Variants in TCERG1L observed in about 807,000 individuals in gnomAD.
TCERG1L encodes the protein transcription elongation regulator 1 like, also known as transcription elongation regulator 1-like protein.
TCERG1L carries 37 observed loss-of-function variants against 56.3 expected under a neutral mutation model. That is an observed-to-expected ratio of 0.66 (90% CI 0.51 to 0.87). The LOEUF (loss-of-function observed/expected upper bound fraction) is 0.87, where lower values mean the gene tolerates loss of function less well. TCERG1L is among the 40% of genes least tolerant of loss of function. The probability of loss-of-function intolerance (pLI) is 0.00; values close to 1 mark genes in which losing one functional copy is unlikely to be tolerated. For synonymous variants in TCERG1L, 324 were observed against 326.3 expected, an observed-to-expected ratio of 0.99 and a Z score of 0.08; for missense variants, 799 against 774.2, an observed-to-expected ratio of 1.03 and a Z score of -0.38.
intron 4 of TCERG1L, among the ~76,000 whole-genome samples, chr10:131,225,257 A>T (rs1407169330): frequency 6.6e-6 from 1 of 152,202 alleles, no homozygotes; most frequent in South Asian, 2.1e-4. Context: ...GGCCCTACAA[A>T]CCAGACATCA....
chr10:131,160,533 TG>T (rs2133428598), intron 6 of TCERG1L, among the ~76,000 whole-genome samples: 1 of 152,266 alleles, frequency 6.6e-6, no homozygotes, highest in Admixed American at 6.5e-5. Flanking sequence ...CAAGTACCCC[TG>T]GCTTAGCTGC....
intron 6 of TCERG1L, among the ~76,000 whole-genome samples, chr10:131,154,940 A>G (rs1845903827): frequency 6.6e-6 from 1 of 152,190 alleles, no homozygotes; most frequent in Admixed American, 6.5e-5. Flanking sequence ...TTTCTCATAA[A>G]TCGATAGGGC....
intron 4 of TCERG1L, among the ~76,000 whole-genome samples, chr10:131,186,936 GAA>G (rs1282921731): frequency 6.6e-6 from 1 of 152,220 alleles, no homozygotes; most frequent in African/African-American, 2.4e-5. Flanking sequence ...AAAGAGCTTT[GAA>G]AAGTCAGAAG....
intron 4 of TCERG1L, among the ~76,000 whole-genome samples, chr10:131,196,871 G>A (rs1476551641): frequency 1.3e-5 from 2 of 152,224 alleles, no homozygotes; most frequent in African/African-American, 4.8e-5. Context: ...GTTGATCTCA[G>A]CTCTACTAAG....
At chr10:131,171,395 G>C (rs141789262) in intron 4 of TCERG1L, among the ~76,000 whole-genome samples, 1 of 152,034 alleles carries the variant, frequency 6.6e-6, no homozygotes, top group African/African-American at 2.4e-5. Flanking sequence ...ATCCAGGCCC[G>C]AGGCACCTGT....
intron 4 of TCERG1L, among the ~76,000 whole-genome samples, chr10:131,184,366 G>A (rs1845214645): frequency 6.6e-6 from 1 of 152,248 alleles, no homozygotes; most frequent in South Asian, 2.1e-4. Context: ...TTGGATGGCT[G>A]ACTAAATGTA....
intron 4 of TCERG1L, among the ~76,000 whole-genome samples, chr10:131,202,807 A>G (rs1041969579): frequency 6.6e-6 from 1 of 152,190 alleles, no homozygotes; most frequent in Non-Finnish European, 1.5e-5. Context: ...GAGGAGCTTG[A>G]TTCTATAAGC....
intron 4 of TCERG1L, among the ~76,000 whole-genome samples, chr10:131,197,407 G>C (rs1252728671): frequency 6.6e-6 from 1 of 152,028 alleles, no homozygotes; most frequent in East Asian, 1.9e-4. Context: ...GGATGGTCTC[G>C]ATATCCTGAC....
chr10:131,237,355 A>G (rs1845923347), intron 4 of TCERG1L, among the ~76,000 whole-genome samples: 1 of 152,048 alleles, frequency 6.6e-6, no homozygotes, highest in Non-Finnish European at 1.5e-5. Flanking sequence ...GGCAACTCAC[A>G]GACCTCATGC....
chr10:131,137,819 C>CA, intron 7 of TCERG1L, among the ~76,000 whole-genome samples: 1 of 152,284 alleles, frequency 6.6e-6, no homozygotes, highest in Non-Finnish European at 1.5e-5. Context: ...TTAGAGAATA[C>CA]AAAACCAGAG....
intron 4 of TCERG1L, among the ~76,000 whole-genome samples, chr10:131,183,658 T>C (rs1374357957): frequency 1.3e-5 from 2 of 152,128 alleles, no homozygotes; most frequent in East Asian, 1.9e-4. Context: ...ACCCGCTCTC[T>C]CTAGAATACC....
At chr10:131,237,837 C>T (rs75562000) in intron 4 of TCERG1L, among the ~76,000 whole-genome samples, 1,605 of 152,252 alleles carry the variant, frequency 0.011, 28 homozygotes, top group African/African-American at 0.027. Flanking sequence ...TAATGGGTTG[C>T]AAGTCTTCGT....
chr10:131,138,419 C>G (rs1845698183), intron 7 of TCERG1L, among the ~76,000 whole-genome samples: 1 of 152,146 alleles, frequency 6.6e-6, no homozygotes, highest in East Asian at 1.9e-4. Flanking sequence ...ATGGATGGCT[C>G]CAGCCTGCAC....
Position 131,311,589 on chromosome 10 carries a change from TGCTGCA to T in TCERG1L, c.41_46del (p.Leu14_Gln15del). On this transcript the variant is annotated inframe_deletion, in exon 1 of 12. Transcript: ENST00000368642. The surrounding 1 kb of genome is among the most constrained non-coding windows in gnomAD (Gnocchi z 4.0). ...AGGCTGCCGCCGCCGGGGCTGCTGC[TGCTGCA>T]GCTGCCGCCGCCGCCGCTGGAACCT... The T allele has an allele frequency of 8.7e-7, 1 of 1,145,446 alleles. No homozygotes were observed. The highest frequency in any genetic ancestry group is 1.1e-6 in the Non-Finnish European group (1 of 934,218). 71.0% of individuals were successfully genotyped at this position (1,145,446 alleles called of 1,614,324 possible).
At chr10:131,292,608 T>C (rs1463731288) in intron 3 of TCERG1L, among the ~76,000 whole-genome samples, 1 of 152,220 alleles carries the variant, frequency 6.6e-6, no homozygotes, top group Non-Finnish European at 1.5e-5. Context: ...CTTGAGAATG[T>C]TCTCCTCGGA....
In TCERG1L at chr10:131,142,567, A is replaced by G. The variant is rs1845749852; in HGVS notation, c.1189+3939T>C. 2.6e-5 allele frequency among the ~76,000 whole-genome samples: 4 copies of G among 152,334 alleles called. No homozygotes were observed. The South Asian group carries it at 8.3e-4, about 32-fold the overall frequency. ...TGAGGTTCATGTCATCTGCCCGCAG[A>G]CTAGGGAAGGACAGTGTTGAGTGCA... On this transcript the variant is annotated intron_variant, in intron 7 of 11. Coordinates refer to ENST00000368642, the MANE Select transcript of TCERG1L (RefSeq NM_174937.4).
At chr10:131,163,051 G>T in intron 6 of TCERG1L, 71 bp downstream of exon 6, 2 of 1,208,194 alleles carry the variant, frequency 1.7e-6, no homozygotes, top group Non-Finnish European at 2.3e-6. Flanking sequence ...GTGTCTCTTT[G>T]GTGACATCAG....
At position 131,118,550 on chromosome 10, in the gene TCERG1L, G is replaced by C. The variant is rs12778933; in HGVS notation, c.1260-1616C>G. ...CTACCCTTCCCTTAATCTGCTCACC[G>C]GGACACCTTACCAGATTTCTCATCC... is the stretch of plus-strand genomic sequence containing the variant. On this transcript the variant is annotated intron_variant, in intron 8 of 11. Transcript: ENST00000368642. This position sits in a 1 kb window ranked among gnomAD's most constrained non-coding sequence, Gnocchi z 4.2. Among the ~76,000 whole-genome samples the C allele has an allele frequency of 6.6e-6, 1 of 151,816 alleles. No individual in the cohort carries two copies. The highest frequency in any genetic ancestry group is 1.5e-5 in the Non-Finnish European group (1 of 67,962).
At chr10:131,278,464 A>G (rs1289385458) in intron 3 of TCERG1L, among the ~76,000 whole-genome samples, 1 of 150,800 alleles carries the variant, frequency 6.6e-6, no homozygotes, top group African/African-American at 2.4e-5. Context: ...CCGCCTCCCA[A>G]GTAGCTGGAA....
Sources: allele counts gnomAD v4.1 joint callset (sites outside exome capture counted in the v4.1 genomes callset), GRCh38; gene constraint gnomAD v4.1.1; non-coding constraint Gnocchi (gnomAD v3.1); transcripts MANE v1.5; gene names NCBI Gene and HGNC (gene_info 2026-07-23, HGNC 2026-07-21).